Variants in GTF2F2 observed in about 807,000 individuals in gnomAD.
GTF2F2 encodes general transcription factor IIF subunit 2.
A neutral mutation model predicts 42.2 loss-of-function variants in GTF2F2; 23 were observed. The observed-to-expected ratio is 0.55, with a 90% CI of 0.39 to 0.77. The LOEUF (loss-of-function observed/expected upper bound fraction) is 0.77, where lower values mean the gene tolerates loss of function less well. GTF2F2 is among the 30% of genes least tolerant of loss of function. GTF2F2 has a pLI of 0.00. For missense variants in GTF2F2, 261 were observed against 287.2 expected, an observed-to-expected ratio of 0.91 and a Z score of 0.66; for synonymous variants, 105 against 100.8, an observed-to-expected ratio of 1.04 and a Z score of -0.25.
intron 1 of GTF2F2, among the ~76,000 whole-genome samples, chr13:45,122,897 T>A (rs777582776): frequency 1.3e-5 from 2 of 152,232 alleles, no homozygotes; most frequent in Middle Eastern, 3.4e-3. Context: ...GTAAATACAG[T>A]AAGAACTATA....
In GTF2F2 at chr13:45,181,071, G is replaced by A. The variant is rs148788140; in HGVS notation, c.305-26353G>A. 1.7e-3 allele frequency among the ~76,000 whole-genome samples: 257 copies of A among 151,868 alleles called. 6 individuals are homozygous for A. In the East Asian group the frequency reaches 0.044, roughly 26 times the overall value. The stretch of plus-strand genomic sequence containing the variant: ...AGTTCCAGCTATTCAGGAGGCTGAG[G>A]CAGGAAAATTGCCTGAACCCAGGAG... On this transcript the variant is annotated intron_variant, in intron 4 of 7. Transcript: ENST00000340473.
chr13:45,283,367 G>T, intron 7 of GTF2F2, 75 bp from the exon 8 acceptor site: 134 of 1,302,504 alleles, frequency 1.0e-4, no homozygotes, highest in Admixed American at 5.0e-4. Flanking sequence ...TATGTGCTTT[G>T]GCATATCATC....
chr13:45,145,957 A>T (rs532865167), intron 2 of GTF2F2, among the ~76,000 whole-genome samples: 6 of 151,988 alleles, frequency 3.9e-5, no homozygotes, highest in Admixed American at 3.3e-4. Context: ...CTATATGTGG[A>T]TGCTCTCACC....
At chr13:45,172,169 A>T (rs1212731794) in intron 4 of GTF2F2, among the ~76,000 whole-genome samples, 2 of 152,146 alleles carry the variant, frequency 1.3e-5, no homozygotes, top group Non-Finnish European at 1.5e-5. Flanking sequence ...CCCCACCAAC[A>T]CTTGTTATTG....
chr13:45,232,860 A>G (rs1244922759), intron 5 of GTF2F2, among the ~76,000 whole-genome samples: 1 of 152,194 alleles, frequency 6.6e-6, no homozygotes, highest in African/African-American at 2.4e-5. Context: ...TGTACTTTGC[A>G]GAAAATACAT....
chr13:45,158,983 G>A lies in GTF2F2; in HGVS notation c.304+7152G>A, dbSNP rs901360428. 5.9e-5 allele frequency among the ~76,000 whole-genome samples: 9 copies of A among 152,186 alleles called. No homozygotes were observed. In the East Asian group the frequency reaches 1.3e-3, roughly 23 times the overall value. ...AAAGTGGTTTTCTTAAGACACTTGAGGTTCAGAATCGAATATTCCTCACTT... is the reference window on the plus strand; with the variant it reads ...AAAGTGGTTTTCTTAAGACACTTGAAGTTCAGAATCGAATATTCCTCACTT... On this transcript the variant is annotated intron_variant, in intron 4 of 7. Transcript: ENST00000340473.
At chr13:45,149,683 A>G (rs551367127) in intron 2 of GTF2F2, 87 bp from the exon 3 acceptor site, 8 of 1,266,334 alleles carry the variant, frequency 6.3e-6, no homozygotes, top group South Asian at 6.2e-5. Context: ...TTATGTAAAT[A>G]TGAAGTTTTT....
At chr13:45,175,771 C>T (rs78980375) in intron 4 of GTF2F2, among the ~76,000 whole-genome samples, 4,370 of 152,134 alleles carry the variant, frequency 0.029, 190 homozygotes, top group African/African-American at 0.093. Flanking sequence ...TACAGGCATG[C>T]GCCGCTACAC....
intron 7 of GTF2F2, among the ~76,000 whole-genome samples, chr13:45,273,599 C>G (rs1876892619): frequency 6.6e-6 from 1 of 151,614 alleles, no homozygotes; most frequent in African/African-American, 2.4e-5. Context: ...AATGCCCTTA[C>G]CAATAAAATC....
chr13:45,168,957 T>G (rs1374190202), intron 4 of GTF2F2, among the ~76,000 whole-genome samples: 1 of 131,048 alleles, frequency 7.6e-6, no homozygotes, highest in South Asian at 2.9e-4. Flanking sequence ...TTTCCCTCTT[T>G]CCCTCCTTAC....
chr13:45,144,999 A>G (rs756903242), intron 2 of GTF2F2, among the ~76,000 whole-genome samples: 2 of 152,234 alleles, frequency 1.3e-5, no homozygotes, highest in African/African-American at 4.8e-5. Flanking sequence ...TTTCTCTGCC[A>G]GTTAGCTCAC....
chr13:45,234,531 C>T (rs1378251150), intron 5 of GTF2F2, among the ~76,000 whole-genome samples: 1 of 152,128 alleles, frequency 6.6e-6, no homozygotes, highest in African/African-American at 2.4e-5. Context: ...CTGGCTTAAA[C>T]ATTTTTATAA....
intron 5 of GTF2F2, among the ~76,000 whole-genome samples, chr13:45,247,384 C>A (rs1276838815): frequency 6.6e-6 from 1 of 151,338 alleles, no homozygotes; most frequent in Non-Finnish European, 1.5e-5. Flanking sequence ...TAGACAGATA[C>A]CTGGTTTTTT....
At chr13:45,249,468 C>G (rs1444667358) in intron 5 of GTF2F2, among the ~76,000 whole-genome samples, 1 of 152,040 alleles carries the variant, frequency 6.6e-6, no homozygotes, top group Admixed American at 6.6e-5. Flanking sequence ...ATGAAATTGG[C>G]TTTTAGAATT....
At chr13:45,196,520 T>C (rs1434044184) in intron 4 of GTF2F2, among the ~76,000 whole-genome samples, 1 of 152,224 alleles carries the variant, frequency 6.6e-6, no homozygotes, top group Non-Finnish European at 1.5e-5. Flanking sequence ...AATTCTTGTG[T>C]TACCATTACA....
intron 5 of GTF2F2, among the ~76,000 whole-genome samples, chr13:45,229,083 A>T (rs1475536421): frequency 6.6e-6 from 1 of 152,062 alleles, no homozygotes; most frequent in African/African-American, 2.4e-5. Context: ...GGGTTTCATC[A>T]TGTTGGCCAG....
At chr13:45,187,089 A>T (rs921384324) in intron 4 of GTF2F2, among the ~76,000 whole-genome samples, 1 of 152,176 alleles carries the variant, frequency 6.6e-6, no homozygotes, top group Non-Finnish European at 1.5e-5. Flanking sequence ...TTTTAAAAAC[A>T]TTTACAAAGG....
intron 5 of GTF2F2, among the ~76,000 whole-genome samples, chr13:45,241,536 C>T (rs866903781): frequency 1.3e-5 from 2 of 150,910 alleles, no homozygotes; most frequent in African/African-American, 2.5e-5. Flanking sequence ...CTTGAGGAGG[C>T]GAATTCTTAA....
Position 45,210,077 on chromosome 13 carries a change from A to G in GTF2F2, c.386+2572A>G, listed in dbSNP as rs538285583. Reference sequence around the variant, plus strand: ...CCCCACTGTAGTCTCTTCTCAGCACAGTAGCCAGGGAAGTTCTTTTAAAAT... The same window carrying G: ...CCCCACTGTAGTCTCTTCTCAGCACGGTAGCCAGGGAAGTTCTTTTAAAAT... On this transcript the variant is annotated intron_variant, in intron 5 of 7. Coordinates refer to ENST00000340473, the MANE Select transcript of GTF2F2 (RefSeq NM_004128.3). 1.1e-4 allele frequency among the ~76,000 whole-genome samples: 17 copies of G among 152,318 alleles called. No homozygotes were observed. The Middle Eastern group carries it at 0.01, about 91-fold the overall frequency.
Sources: gnomAD v4.1 joint callset for allele counts (sites outside exome capture counted in the v4.1 genomes callset) on GRCh38, gnomAD v4.1.1 for gene constraint, MANE v1.5 for transcripts, NCBI Gene and HGNC (gene_info 2026-07-23, HGNC 2026-07-21) for gene names.